SENP2: variants seen among roughly 807,000 people sequenced by gnomAD.
The protein encoded by SENP2 is sentrin-specific protease 2.
In SENP2, 16 loss-of-function variants were observed where a neutral mutation model predicts 86.3. The observed-to-expected ratio is 0.19, with a 90% CI of 0.13 to 0.28. The LOEUF (loss-of-function observed/expected upper bound fraction) is 0.28, where lower values mean the gene tolerates loss of function less well. Ranked by LOEUF, SENP2 falls within the 10% of genes least tolerant of loss-of-function variation. SENP2 has a pLI of 1.00. For missense variants in SENP2, 552 were observed against 703.0 expected, an observed-to-expected ratio of 0.79 and a Z score of 2.43; for synonymous variants, 222 against 238.7, an observed-to-expected ratio of 0.93 and a Z score of 0.64.
At chr3:185,603,759 T>A (rs1722423769) in intron 5 of SENP2, among the ~76,000 whole-genome samples, 1 of 152,256 alleles carries the variant, frequency 6.6e-6, no homozygotes, top group Admixed American at 6.5e-5. Context: ...TAATGCTGTT[T>A]CCCTGTAAGC....
In SENP2 at chr3:185,619,591, G is replaced by C. The variant is rs923066683; in HGVS notation, c.1446+89G>C. Reference sequence around the variant, plus strand: ...GCTGCCTTTTTCTGCCCTGTGTATAGAGGCCAATAGTATATATTATAAGCA... The same window carrying C: ...GCTGCCTTTTTCTGCCCTGTGTATACAGGCCAATAGTATATATTATAAGCA... On this transcript the variant is annotated intron_variant, in intron 13 of 16. Transcript: ENST00000296257. The C allele has an allele frequency of 2.3e-5, 22 of 947,912 alleles. No individual in the cohort carries two copies. In the African/African-American group the frequency reaches 3.5e-4, roughly 15 times the overall value. The allele number at this position is 947,912 out of a possible 1,614,324, so 58.7% of individuals were successfully genotyped here. A position where few individuals can be genotyped will look rare whatever the true frequency, so the allele number is the denominator to read the frequency against.
In SENP2 at chr3:185,590,968, A is replaced by G. The variant is rs1175518171; in HGVS notation, c.157+799A>G. ...GTCGCAGGCTGGAGTGCAGTGGCGC[A>G]ATCTCGGCTCACTGCAAGCTCTGCC... is the stretch of plus-strand genomic sequence containing the variant. On this transcript the variant is annotated intron_variant, in intron 2 of 16. Transcript: ENST00000296257. 2.5e-4 allele frequency among the ~76,000 whole-genome samples: 28 copies of G among 114,274 alleles called. No individual in the cohort carries two copies. The South Asian group carries it at 3.8e-3, about 15-fold the overall frequency. The allele number at this position is 114,274 out of a possible 152,430, so 75.0% of individuals were successfully genotyped here.
intron 2 of SENP2, among the ~76,000 whole-genome samples, chr3:185,597,186 T>A (rs1314047651): frequency 6.6e-6 from 1 of 152,048 alleles, no homozygotes. Context: ...GAACTCTGCT[T>A]AAAAGTTGTC....
chr3:185,622,654 CT>C (rs969968312), intron 14 of SENP2, among the ~76,000 whole-genome samples: 14 of 152,020 alleles, frequency 9.2e-5, no homozygotes, highest in African/African-American at 3.4e-4. Context: ...CTCTTCTAGT[CT>C]TTTCTTTGTA....
chr3:185,630,485 T>A lies in SENP2; in HGVS notation c.*641T>A, dbSNP rs1712409570. 1 of 153,700 alleles carries A rather than the reference T, an allele frequency of 6.5e-6. No homozygotes were observed. Among genetic ancestry groups the A allele is most frequent in the Non-Finnish European group, 1.5e-5 (1 of 68,808 alleles). 9.5% of individuals were successfully genotyped at this position (153,700 alleles called of 1,614,324 possible). ...AAAATGCTGTGGGATAGGGCTCCTG[T>A]TGCCTTTCAGAGGAAGTCTGACACT... On this transcript the variant is annotated 3_prime_UTR_variant, in exon 17 of 17. Transcript: ENST00000296257.
At position 185,631,170 on chromosome 3, in the gene SENP2, GCAAGA is replaced by G. The variant is rs2148998634; in HGVS notation, c.*1327_*1331del. 6.6e-6 allele frequency: 1 copy of G among 152,142 alleles called. No homozygotes were observed. Among genetic ancestry groups the G allele is most frequent in the African/African-American group, 2.4e-5 (1 of 41,502 alleles). The allele number at this position is 152,142 out of a possible 1,614,324, so 9.4% of individuals were successfully genotyped here. On this transcript the variant is annotated 3_prime_UTR_variant, in exon 17 of 17. Coordinates refer to ENST00000296257, the MANE Select transcript of SENP2 (RefSeq NM_021627.3). ...CCCAGACTTGTTCTGGTTCATAAAA[GCAAGA>G]GGTAAAACTGGAAAAATTGTGCACG... is the stretch of plus-strand genomic sequence containing the variant.
chr3:185,592,011 C>CTTTTTTTTTGTTTTTTTTTTTTTTT (rs1722019245), intron 2 of SENP2, among the ~76,000 whole-genome samples: 1 of 65,804 alleles, frequency 1.5e-5, no homozygotes, highest in Non-Finnish European at 2.7e-5. Flanking sequence ...GGTAATATTT[C>CTTTTTTTTTGTTTTTTTTTTTTTTT]TTTTTTTTTT....
intron 7 of SENP2, 39 bp from the exon 8 acceptor site, chr3:185,611,612 C>T: frequency 2.1e-6 from 3 of 1,413,616 alleles, no homozygotes; most frequent in Non-Finnish European, 3.0e-6. Context: ...GTAGACTTTG[C>T]TTTTGTATCT....
intron 16 of SENP2, among the ~76,000 whole-genome samples, chr3:185,629,287 G>GCT (rs1712302597): frequency 6.6e-6 from 1 of 152,018 alleles, no homozygotes; most frequent in South Asian, 2.1e-4. Context: ...AAATGCTTAT[G>GCT]GTAGGCCGCC....
Position 185,624,079 on chromosome 3 carries a change from A to G in SENP2, c.1608A>G (p.Pro536=). ...AGTGGACCCATCACAGCATGAAACC[A>G]CACGTGAGTGACGATCATCTACATG... is the stretch of plus-strand genomic sequence containing the variant. ...LLEWTHHSMK[P]HEIPQQLNGS... The change falls in exon 15 of 17, where the codon CCA becomes CCG. Residue 536 remains proline (P), a synonymous_variant. Coordinates refer to ENST00000296257, the MANE Select transcript of SENP2 (RefSeq NM_021627.3). The G allele has an allele frequency of 6.2e-7, 1 of 1,604,410 alleles. No individual in the cohort carries two copies. Among genetic ancestry groups the G allele is most frequent in the Admixed American group, 1.7e-5 (1 of 59,404 alleles).
chr3:185,626,751 T>C (rs7648072), intron 16 of SENP2, among the ~76,000 whole-genome samples: 57,602 of 149,896 alleles, frequency 0.38, 11,185 homozygotes, highest in South Asian at 0.56. Context: ...CCAGCCTGGG[T>C]GACAGAGCGA....
At chr3:185,601,002 G>T in intron 5 of SENP2, 147 bp downstream of exon 5, 1 of 560,458 alleles carries the variant, frequency 1.8e-6, no homozygotes, top group Non-Finnish European at 3.2e-6. Flanking sequence ...GCCAGTGAGA[G>T]ACTTGAACTT....
intron 13 of SENP2, 46 bp from the exon 14 acceptor site, chr3:185,621,780 C>A: frequency 8.7e-7 from 1 of 1,144,784 alleles, no homozygotes; most frequent in Non-Finnish European, 1.3e-6. Flanking sequence ...ATTCTCACTC[C>A]TCTTACATTT....
At chr3:185,590,867 C>CAA (rs1196821162) in intron 2 of SENP2, among the ~76,000 whole-genome samples, 39 of 13,492 alleles carry the variant, frequency 2.9e-3, no homozygotes, top group South Asian at 0.011. Context: ...CACTCCATCT[C>CAA]AAAAAAAAAA....
rs145156187 is a variant in SENP2 at position 185,606,476 on chromosome 3, G to A, written c.596G>A (p.Arg199His). Residue 199 changes from arginine to histidine, a missense_variant, in exon 6 of 17, where the codon CGT becomes CAT. By Grantham distance (29) the Arg-to-His change is conservative. This residue lies in a region of SENP2 where 383 missense variants were observed against 427.3 expected (regional missense o/e 0.90). Transcript: ENST00000296257. ...GAAGAGAGTGGCAAGGGTCTGAGGC[G>A]TCCCCATTGTACTGTGGAGGAGGTA... Reference protein sequence around the residue: ...ISEESGKGLRRPHCTVEEGVQ... With the variant: ...ISEESGKGLRHPHCTVEEGVQ... The A allele has an allele frequency of 1.2e-4, 194 of 1,609,520 alleles. No individual in the cohort carries two copies. Among genetic ancestry groups the A allele is most frequent in the Middle Eastern group, 1.6e-4 (1 of 6,068 alleles).
At chr3:185,625,113 A>AC (rs1553841162) in intron 15 of SENP2, among the ~76,000 whole-genome samples, 1 of 142,972 alleles carries the variant, frequency 7.0e-6, no homozygotes, top group Non-Finnish European at 1.5e-5. Context: ...ATTTAAGCAA[A>AC]TTTTTTTTTT....
rs1560205448 is a variant in SENP2 at position 185,631,477 on chromosome 3, TC to T, written c.*1639del. The T allele has an allele frequency of 5.0e-3, 1 of 202 alleles. No homozygotes were observed. The highest frequency in any genetic ancestry group is 0.016 in the African/African-American group (1 of 64). The allele number at this position is 202 out of a possible 1,614,324, so 0.0% of individuals were successfully genotyped here. A position where few individuals can be genotyped will look rare whatever the true frequency, so the allele number is the denominator to read the frequency against. On this transcript the variant is annotated 3_prime_UTR_variant, in exon 17 of 17. Coordinates refer to ENST00000296257, the MANE Select transcript of SENP2 (RefSeq NM_021627.3). ...TCCCTCTCCCCTCCCCCTCCCTCCC[TC>T]CCCCCTCCCTCCCTCCCCCCCCTCC...
At position 185,631,799 on chromosome 3, in the gene SENP2, A is replaced by G. The variant is rs1335720375; in HGVS notation, c.*1955A>G. The G allele has an allele frequency of 6.7e-6, 1 of 149,504 alleles. No individual in the cohort carries two copies. The highest frequency in any genetic ancestry group is 1.5e-5 in the Non-Finnish European group (1 of 67,598). The allele number at this position is 149,504 out of a possible 1,614,324, so 9.3% of individuals were successfully genotyped here. ...TGGTACCATGGTTAAGATCGAGTCC[A>G]TGCTAGGTAAGTCCTGTTAGGAATG... On this transcript the variant is annotated 3_prime_UTR_variant, in exon 17 of 17. Transcript: ENST00000296257.
At chr3:185,627,083 C>CAAAAAAA (rs34406883) in intron 16 of SENP2, among the ~76,000 whole-genome samples, 1 of 75,542 alleles carries the variant, frequency 1.3e-5, no homozygotes, top group Non-Finnish European at 2.5e-5. Flanking sequence ...AACCCTGTCT[C>CAAAAAAA]AAAAAAAAAA....
Sources: allele counts gnomAD v4.1 joint callset (sites outside exome capture counted in the v4.1 genomes callset), GRCh38; gene constraint gnomAD v4.1.1; regional missense constraint gnomAD v4.1.1; transcripts MANE v1.5; gene names NCBI Gene and HGNC (gene_info 2026-07-23, HGNC 2026-07-21).